HLA-DOB: variants seen among roughly 807,000 people sequenced by gnomAD.
HLA-DOB encodes the protein HLA class II histocompatibility antigen, DO beta chain.
HLA-DOB carries 25 observed loss-of-function variants against 27.7 expected under a neutral mutation model. The observed-to-expected ratio is 0.90, with a 90% confidence interval of 0.66 to 1.26. The LOEUF is 1.26. HLA-DOB is among the 50% of genes most tolerant of loss of function. The pLI is 0.00. For synonymous variants in HLA-DOB, 137 were observed against 125.6 expected, an observed-to-expected ratio of 1.09 and a Z score of -0.61; for missense variants, 306 against 324.9, an observed-to-expected ratio of 0.94 and a Z score of 0.45.
chr6:32,814,441 G>A lies in HLA-DOB; in HGVS notation c.522C>T (p.Ile174=). 2 of 1,613,044 alleles carry A rather than the reference G, an allele frequency of 1.2e-6. No individual in the cohort carries two copies. Among genetic ancestry groups the A allele is most frequent in the Non-Finnish European group, 1.7e-6 (2 of 1,180,010 alleles). Residue 174 remains isoleucine (I), a synonymous_variant, in exon 3 of 6, where the codon ATC becomes ATT. Transcript: ENST00000438763. The part of the protein sequence containing the change: ...ERAGVMSTGP[I]RNGDWTFQTV... Reference sequence around the variant, plus strand: ...TCTGAAAGGTCCAGTCTCCATTCCTGATAGGGCCAGTGGACATGACCCCAG... The same window carrying A: ...TCTGAAAGGTCCAGTCTCCATTCCTAATAGGGCCAGTGGACATGACCCCAG...
intron 3 of HLA-DOB, 175 bp downstream of exon 3, chr6:32,814,145 T>A: frequency 1.6e-6 from 1 of 631,996 alleles, no homozygotes; most frequent in Non-Finnish European, 2.7e-6. Flanking sequence ...AGGATAGATA[T>A]CTGCCATGTT....
At chr6:32,815,603 A>G (rs1374112608) in intron 1 of HLA-DOB, among the ~76,000 whole-genome samples, 1 of 152,260 alleles carries the variant, frequency 6.6e-6, no homozygotes, top group Non-Finnish European at 1.5e-5. Flanking sequence ...AGGGGAGAGA[A>G]TGAGAACGGA....
chr6:32,813,171 TC>T lies in HLA-DOB; in HGVS notation c.*44del. On this transcript the variant is annotated 3_prime_UTR_variant, in exon 6 of 6. Coordinates refer to ENST00000438763, the MANE Select transcript of HLA-DOB (RefSeq NM_002120.4). Reference sequence around the variant, plus strand: ...TTACCTCACCCAGGGCCCAGACTACTCATCACTACTTCAGGCTCCAGAGAGA... The same window carrying T: ...TTACCTCACCCAGGGCCCAGACTACTATCACTACTTCAGGCTCCAGAGAGA... 6.4e-7 allele frequency: 1 copy of T among 1,574,762 alleles called. No homozygotes were observed. Among genetic ancestry groups the T allele is most frequent in the Non-Finnish European group, 8.7e-7 (1 of 1,144,896 alleles).
At chr6:32,813,912 A>G (rs1407828123) in intron 3 of HLA-DOB, 79 bp from the exon 4 acceptor site, 1 of 879,176 alleles carries the variant, frequency 1.1e-6, no homozygotes, top group African/African-American at 1.7e-5. Flanking sequence ...AATCTGTACT[A>G]GACACCAAAT....
chr6:32,814,686 A>G (rs1582527211), intron 2 of HLA-DOB, 85 bp from the exon 3 acceptor site: 10 of 1,248,872 alleles, frequency 8.0e-6, no homozygotes, highest in Non-Finnish European at 1.1e-5. Flanking sequence ...CACTATGTCT[A>G]ATCTCTTTCC....
At chr6:32,816,784 A>G in intron 1 of HLA-DOB, 77 bp downstream of exon 1, 4 of 1,174,798 alleles carry the variant, frequency 3.4e-6, no homozygotes, top group Non-Finnish European at 5.0e-6. Flanking sequence ...TGTGGCCTGG[A>G]CTTACAAAGA....
intron 4 of HLA-DOB, 38 bp from the exon 5 acceptor site, chr6:32,813,509 T>C (rs767182158): frequency 5.0e-6 from 8 of 1,606,242 alleles, no homozygotes; most frequent in Non-Finnish European, 6.8e-6. Flanking sequence ...TTGCCCCAAT[T>C]AGGACCCAAT....
chr6:32,815,724 A>G (rs965635626), intron 1 of HLA-DOB, among the ~76,000 whole-genome samples: 1 of 152,244 alleles, frequency 6.6e-6, no homozygotes, highest in African/African-American at 2.4e-5. Context: ...AACAACTACA[A>G]TAAAAAGGAA....
intron 1 of HLA-DOB, 80 bp from the exon 2 acceptor site, chr6:32,815,393 T>A: frequency 6.6e-7 from 1 of 1,519,566 alleles, no homozygotes; most frequent in South Asian, 1.2e-5. Context: ...TCAGACCACA[T>A]GGATCTAAGA....
At chr6:32,813,397 G>A in intron 5 of HLA-DOB, 43 bp downstream of exon 5, 1 of 1,609,054 alleles carries the variant, frequency 6.2e-7, no homozygotes, top group Non-Finnish European at 8.5e-7. Flanking sequence ...AAAGAACCGG[G>A]AGAATGATCT....
chr6:32,814,005 C>T (rs557191739), intron 3 of HLA-DOB, 172 bp from the exon 4 acceptor site: 53 of 616,038 alleles, frequency 8.6e-5, no homozygotes, highest in Admixed American at 2.4e-4. Context: ...TACCCCCCAT[C>T]GGTTACAGAT....
rs1767883474 is a variant in HLA-DOB, at chr6:32,813,449, A to G, written c.777T>C (p.Ser259=). 6.2e-7 allele frequency: 1 copy of G among 1,613,174 alleles called. No individual in the cohort carries two copies. Among genetic ancestry groups the G allele is most frequent in the Non-Finnish European group, 8.5e-7 (1 of 1,180,002 alleles). ...AQKGYVRTQM[S]GNEVSRAVLL... is the part of the protein sequence containing the mutation. ...GAAAAAGAGACATTACCTCATTACC[A>G]GACATCTGCGTCCTCACATATCCTG... The change falls in exon 5 of 6, where the codon TCT becomes TCC. Residue 259 remains serine, a synonymous_variant. Coordinates refer to ENST00000438763, the MANE Select transcript of HLA-DOB (RefSeq NM_002120.4).
chr6:32,814,181 TG>T, intron 3 of HLA-DOB, 138 bp downstream of exon 3: 1 of 808,932 alleles, frequency 1.2e-6, no homozygotes, highest in Non-Finnish European at 2.0e-6. Context: ...CCAAGGACTC[TG>T]GTTTCTGTGA....
chr6:32,814,469 C>A lies in HLA-DOB; in HGVS notation c.494G>T (p.Arg165Ile), dbSNP rs745386112. 1.2e-6 allele frequency: 2 copies of A among 1,613,084 alleles called. No homozygotes were observed. Among genetic ancestry groups the A allele is most frequent in the Non-Finnish European group, 1.7e-6 (2 of 1,180,028 alleles). The change falls in exon 3 of 6, where the codon AGA (arginine) becomes ATA (isoleucine). Residue 165 changes from arginine (R) to isoleucine (I), a missense_variant. Physicochemically the swap from Arg to Ile is moderately conservative, Grantham distance 97. Transcript: ENST00000438763. ...IKWFLNGQEE[R>I]AGVMSTGPIR... ...AGGGCCAGTGGACATGACCCCAGCTCTCTCCTCCTGCCCATTCAGGAACCA... is the reference window on the plus strand; with the variant it reads ...AGGGCCAGTGGACATGACCCCAGCTATCTCCTCCTGCCCATTCAGGAACCA...
chr6:32,813,562 ACT>A (rs1767889413), intron 4 of HLA-DOB, 91 bp from the exon 5 acceptor site: 5 of 1,411,954 alleles, frequency 3.5e-6, no homozygotes, highest in Admixed American at 3.4e-5. Flanking sequence ...CAAGGTCAGC[ACT>A]CTCTCTGCTT....
In HLA-DOB at chr6:32,816,902, G is replaced by T. The variant is rs777764420; in HGVS notation, c.50C>A (p.Thr17Asn). 1 of 1,612,978 alleles carries T rather than the reference G, an allele frequency of 6.2e-7. No homozygotes were observed. The highest frequency in any genetic ancestry group is 1.3e-5 in the African/African-American group (1 of 74,998). Residue 17 changes from threonine (T) to asparagine (N), a missense_variant, in exon 1 of 6, where the codon ACC becomes AAC. Thr to Asn is a moderately conservative substitution (Grantham distance 65, BLOSUM62 0). Coordinates refer to ENST00000438763, the MANE Select transcript of HLA-DOB (RefSeq NM_002120.4). Reference sequence around the variant, plus strand: ...TTGAGTCATGGAGGAATCCAGTCGGGTCAGATTCACTAGCAGAGCCACCAC... The same window carrying T: ...TTGAGTCATGGAGGAATCCAGTCGGTTCAGATTCACTAGCAGAGCCACCAC... ...PWVVALLVNLTRLDSSMTQGT... is the reference protein window; with the variant it reads ...PWVVALLVNLNRLDSSMTQGT...
At position 32,813,127 on chromosome 6, in the gene HLA-DOB, T is replaced by C. The variant is rs920283145; in HGVS notation, c.*89A>G. On this transcript the variant is annotated 3_prime_UTR_variant, in exon 6 of 6. Coordinates refer to ENST00000438763, the MANE Select transcript of HLA-DOB (RefSeq NM_002120.4). ...AGGGAAGAGAGTTATTCCCAGAACATTGACCTCATGAATGTCCTTTACCTC... is the reference window on the plus strand; with the variant it reads ...AGGGAAGAGAGTTATTCCCAGAACACTGACCTCATGAATGTCCTTTACCTC... 1.2e-5 allele frequency: 14 copies of C among 1,161,106 alleles called. No homozygotes were observed. The highest frequency in any genetic ancestry group is 7.6e-5 in the African/African-American group (5 of 66,080). 71.9% of individuals were successfully genotyped at this position (1,161,106 alleles called of 1,614,324 possible). A position where few individuals can be genotyped will look rare whatever the true frequency, so the allele number is the denominator to read the frequency against.
At chr6:32,816,828 C>T (rs1310368927) in intron 1 of HLA-DOB, 33 bp downstream of exon 1, 1 of 1,563,304 alleles carries the variant, frequency 6.4e-7, no homozygotes, top group Non-Finnish European at 8.8e-7. Flanking sequence ...TTCTTGCATA[C>T]ACACTGGAAA....
Position 32,812,795 on chromosome 6 carries a change from T to C in HLA-DOB, c.*421A>G, listed in dbSNP as rs10364. 22,886 of 174,352 alleles carry C rather than the reference T, an allele frequency of 0.13. 1,750 individuals are homozygous for C. Among genetic ancestry groups the C allele is most frequent in the Middle Eastern group, 0.3 (117 of 384 alleles). The allele number at this position is 174,352 out of a possible 1,614,324, so 10.8% of individuals were successfully genotyped here. A position where few individuals can be genotyped will look rare whatever the true frequency, so the allele number is the denominator to read the frequency against. ...TTTGTATCTCCATTTTATTTGACAATAAAAGGTTTTTAAAAACAGTGAAAA... is the reference window on the plus strand; with the variant it reads ...TTTGTATCTCCATTTTATTTGACAACAAAAGGTTTTTAAAAACAGTGAAAA... On this transcript the variant is annotated 3_prime_UTR_variant, in exon 6 of 6. Transcript: ENST00000438763.
Sources: allele counts gnomAD v4.1 joint callset (sites outside exome capture counted in the v4.1 genomes callset), GRCh38; gene constraint gnomAD v4.1.1; transcripts MANE v1.5; gene names NCBI Gene and HGNC (gene_info 2026-07-23, HGNC 2026-07-21).